The following PLXNA4 variants were observed in gnomAD, a reference collection of about 807,000 sequenced individuals.
The protein encoded by PLXNA4 is plexin-A4.
PLXNA4 carries 44 observed loss-of-function variants against 191.8 expected under a neutral mutation model. The ratio of observed to expected loss-of-function variants is 0.23; its 90% CI spans 0.18 to 0.29. PLXNA4 has a LOEUF of 0.29. PLXNA4 is among the 10% of genes least tolerant of loss of function. The pLI is 1.00. For synonymous variants in PLXNA4, 1,082 were observed against 1,009.5 expected (o/e 1.07, Z -1.36); for missense variants, 1,800 against 2,488.8 (o/e 0.72, Z 5.89).
chr7:132,313,123 C>A (rs1182697827), intron 3 of PLXNA4, among the ~76,000 whole-genome samples: 1 of 152,188 alleles, frequency 6.6e-6, no homozygotes, highest in Non-Finnish European at 1.5e-5. Flanking sequence ...TCCCTCTCTG[C>A]CTACCTCACT....
At position 132,126,287 on chromosome 7, in the gene PLXNA4, T is replaced by A. The variant is rs1236090231; in HGVS notation, c.*4192A>T. On this transcript the variant is annotated 3_prime_UTR_variant, in exon 32 of 32. Transcript: ENST00000321063. ...TAGGGCCTTGGCTAGACGAGGGAGCTCCTACAGCCAGGAAGGCAGCTTTGG... is the reference window on the plus strand; with the variant it reads ...TAGGGCCTTGGCTAGACGAGGGAGCACCTACAGCCAGGAAGGCAGCTTTGG... 1 of 152,246 alleles carries A rather than the reference T, an allele frequency of 6.6e-6. No individual in the cohort carries two copies. Among genetic ancestry groups the A allele is most frequent in the Admixed American group, 6.6e-5 (1 of 15,234 alleles). 9.4% of individuals were successfully genotyped at this position (152,246 alleles called of 1,614,324 possible).
At chr7:132,504,414 T>G (rs181868119) in intron 2 of PLXNA4, among the ~76,000 whole-genome samples, 1 of 152,166 alleles carries the variant, frequency 6.6e-6, no homozygotes, top group African/African-American at 2.4e-5. Context: ...GGCTCTGAGT[T>G]CTGGAGGTGT....
chr7:132,383,920 G>A (rs961592917), intron 3 of PLXNA4: 4 of 985,396 alleles, frequency 4.1e-6, no homozygotes, highest in South Asian at 4.7e-5. Context: ...CTCCTGGGAC[G>A]TATTTCTGAA....
In PLXNA4 at chr7:132,324,745, A is replaced by C. The variant is rs1584993229; in HGVS notation, c.1372-26523T>G. Among the ~76,000 whole-genome samples, 3 of 152,308 alleles carry C rather than the reference A, an allele frequency of 2.0e-5. No homozygotes were observed. The South Asian group carries it at 6.2e-4, about 32-fold the overall frequency. On this transcript the variant is annotated intron_variant, in intron 3 of 31. Transcript: ENST00000321063. ...ATTAAACATCCTTTCCCTAGGGTGA[A>C]TGGGAGCGATGCCTGAGGCCAGAGT...
At chr7:132,276,305 C>G (rs1390123377) in intron 4 of PLXNA4, among the ~76,000 whole-genome samples, 3 of 152,194 alleles carry the variant, frequency 2.0e-5, no homozygotes. Context: ...CTCCTCTTTT[C>G]TTCTCTTTCA....
Position 132,210,999 on chromosome 7 carries a change from G to T in PLXNA4, c.2242C>A (p.Gln748Lys). Residue 748 changes from glutamine to lysine, a missense_variant, in exon 10 of 32, where the codon CAG becomes AAG. Transcript: ENST00000321063. ...TTGAAGCGCAGGGCGGGCACTCGCT[G>T]CTCGCTGCCCTGAATGTTGAGGATG... ...ECILNIQGSE[Q>K]RVPALRFNSS... is the part of the protein sequence containing the mutation. 1 of 1,613,904 alleles carries T rather than the reference G, an allele frequency of 6.2e-7. No homozygotes were observed. Among genetic ancestry groups the T allele is most frequent in the Non-Finnish European group, 8.5e-7 (1 of 1,180,014 alleles).
intron 3 of PLXNA4, among the ~76,000 whole-genome samples, chr7:132,366,608 A>G (rs1433880792): frequency 1.3e-5 from 2 of 152,196 alleles, no homozygotes; most frequent in Non-Finnish European, 2.9e-5. Context: ...TGGGAAATCA[A>G]AAGTAACTAT....
At chr7:132,518,945 A>G (rs1168763171) in intron 1 of PLXNA4, among the ~76,000 whole-genome samples, 1 of 152,176 alleles carries the variant, frequency 6.6e-6, no homozygotes, top group Non-Finnish European at 1.5e-5. Context: ...AGAGTCGAGC[A>G]GGAGCTCCAG....
chr7:132,478,332 G>A (rs1797208205), intron 3 of PLXNA4, among the ~76,000 whole-genome samples: 1 of 152,204 alleles, frequency 6.6e-6, no homozygotes, highest in Non-Finnish European at 1.5e-5. Flanking sequence ...ATGCTAACCT[G>A]ATGCATTGAA....
At chr7:132,195,146 C>T (rs955667290) in intron 13 of PLXNA4, among the ~76,000 whole-genome samples, 4 of 152,098 alleles carry the variant, frequency 2.6e-5, no homozygotes, top group African/African-American at 9.6e-5. Context: ...TACAATTACA[C>T]TTATAAACAT....
intron 1 of PLXNA4, among the ~76,000 whole-genome samples, chr7:132,551,281 A>C (rs1240675794): frequency 6.6e-6 from 1 of 152,164 alleles, no homozygotes; most frequent in Non-Finnish European, 1.5e-5. Flanking sequence ...GAAATTGAGA[A>C]GCCCTTAACA....
upstream of PLXNA4, among the ~76,000 whole-genome samples, chr7:132,580,847 A>T (rs1415829675): frequency 2.0e-5 from 3 of 152,152 alleles, no homozygotes; most frequent in Non-Finnish European, 4.4e-5. Context: ...CTTGCACTGG[A>T]TAGAAAAACC....
At chr7:132,414,737 G>A (rs537924434) in intron 3 of PLXNA4, among the ~76,000 whole-genome samples, 1 of 152,254 alleles carries the variant, frequency 6.6e-6, no homozygotes, top group African/African-American at 2.4e-5. Context: ...GTGGCAAGAA[G>A]AACAGAGACA....
At chr7:132,374,056 G>C (rs541251775) in intron 3 of PLXNA4, among the ~76,000 whole-genome samples, 86 of 152,202 alleles carry the variant, frequency 5.7e-4, no homozygotes, top group Non-Finnish European at 1.1e-3. Context: ...CTGCACATCA[G>C]AGAGTAATCA....
At position 132,371,200 on chromosome 7, in the gene PLXNA4, C is replaced by G. The variant is rs549032273; in HGVS notation, c.1372-72978G>C. On this transcript the variant is annotated intron_variant, in intron 3 of 31. Transcript: ENST00000321063. ...ACGTGCAAAGGTGGAAATCATGAAC[C>G]AGGTTTTAAGTCCTTTGGCTCCGTG... Among the ~76,000 whole-genome samples, 23 of 152,212 alleles carry G rather than the reference C, an allele frequency of 1.5e-4. No homozygotes were observed. The South Asian group carries it at 4.6e-3, about 30-fold the overall frequency.
At chr7:132,292,449 G>A (rs1467331197) in intron 4 of PLXNA4, among the ~76,000 whole-genome samples, 1 of 152,178 alleles carries the variant, frequency 6.6e-6, no homozygotes, top group Non-Finnish European at 1.5e-5. Context: ...GGTTGCTGAC[G>A]AATCAAAGTT....
chr7:132,386,846 G>A (rs1805167849), intron 3 of PLXNA4, among the ~76,000 whole-genome samples: 1 of 152,124 alleles, frequency 6.6e-6, no homozygotes, highest in Non-Finnish European at 1.5e-5. Context: ...GAAAATCTTG[G>A]GGACTGCAAA....
intron 3 of PLXNA4, among the ~76,000 whole-genome samples, chr7:132,395,228 C>T (rs1418054947): frequency 1.3e-5 from 2 of 152,170 alleles, no homozygotes; most frequent in African/African-American, 4.8e-5. Flanking sequence ...TCCTAGAAAT[C>T]ACTGGTTTGA....
At chr7:132,628,701 G>A (rs1178421032) in intron 2 of PLXNA4, among the ~76,000 whole-genome samples, 1 of 151,862 alleles carries the variant, frequency 6.6e-6, no homozygotes, top group Admixed American at 6.6e-5. Context: ...ACTCTGTCTT[G>A]TAACTTTCTG....
Sources: allele counts gnomAD v4.1 joint callset (sites outside exome capture counted in the v4.1 genomes callset), GRCh38; gene constraint gnomAD v4.1.1; transcripts MANE v1.5; gene names NCBI Gene and HGNC (gene_info 2026-07-23, HGNC 2026-07-21).